The following ELOC variants were observed in gnomAD, a reference collection of about 807,000 sequenced individuals.
ELOC encodes elongin C.
For missense variants in ELOC, 38 were observed against 139.0 expected (o/e 0.27, Z 3.65); for synonymous variants, 40 against 51.3 (o/e 0.78, Z 0.94).
intron 1 of ELOC, among the ~76,000 whole-genome samples, chr8:73,962,249 G>A (rs1264899008): frequency 1.3e-5 from 2 of 152,166 alleles, no homozygotes; most frequent in African/African-American, 4.8e-5. Flanking sequence ...TTTTAGAGAT[G>A]AGAAACACTG....
intron 3 of ELOC, among the ~76,000 whole-genome samples, chr8:73,948,200 A>AG (rs1813511242): frequency 6.6e-6 from 1 of 151,970 alleles, no homozygotes; most frequent in Admixed American, 6.6e-5. Context: ...CTCAAAAAAA[A>AG]AAAAAAGATA....
intron 1 of ELOC, among the ~76,000 whole-genome samples, chr8:73,960,694 A>T (rs774226270): frequency 1.3e-5 from 2 of 152,256 alleles, no homozygotes; most frequent in Non-Finnish European, 2.9e-5. Flanking sequence ...ATACTGACTT[A>T]AAACAGTGAG....
At chr8:73,954,388 G>C (rs1813994424) in intron 3 of ELOC, among the ~76,000 whole-genome samples, 1 of 152,226 alleles carries the variant, frequency 6.6e-6, no homozygotes, top group South Asian at 2.1e-4. Context: ...GCTGGGTGTG[G>C]TGGCTCACGC....
intron 1 of ELOC, among the ~76,000 whole-genome samples, chr8:73,968,518 T>C (rs575797399): frequency 1.3e-5 from 2 of 152,372 alleles, no homozygotes; most frequent in Admixed American, 1.3e-4. Flanking sequence ...GTATTAATCA[T>C]AGATTCTACA....
chr8:73,948,536 C>A (rs896693907), intron 3 of ELOC, among the ~76,000 whole-genome samples: 5 of 152,140 alleles, frequency 3.3e-5, no homozygotes, highest in Non-Finnish European at 7.3e-5. Flanking sequence ...TACCACTGCA[C>A]TCCAACCTGG....
At chr8:73,959,905 G>C (rs1395209000) in intron 1 of ELOC, 87 bp from the exon 2 acceptor site, 3 of 589,370 alleles carry the variant, frequency 5.1e-6, no homozygotes, top group Non-Finnish European at 8.1e-6. Context: ...GGTGTTAAAA[G>C]TTTAAGAACT....
At chr8:73,951,668 A>C (rs954817189) in intron 3 of ELOC, among the ~76,000 whole-genome samples, 1 of 151,850 alleles carries the variant, frequency 6.6e-6, no homozygotes, top group African/African-American at 2.4e-5. Flanking sequence ...CAACAACAAC[A>C]ACAACAACAA....
intron 2 of ELOC, among the ~76,000 whole-genome samples, chr8:73,958,871 A>G (rs1190867847): frequency 1.3e-5 from 2 of 152,200 alleles, no homozygotes; most frequent in African/African-American, 4.8e-5. Context: ...CAATCTTATC[A>G]TGATGCAAAC....
At chr8:73,949,496 T>A (rs182308907) in intron 3 of ELOC, among the ~76,000 whole-genome samples, 1 of 152,338 alleles carries the variant, frequency 6.6e-6, no homozygotes, top group Admixed American at 6.5e-5. Flanking sequence ...TCTATTTAGT[T>A]CCAAAACATT....
intron 3 of ELOC, among the ~76,000 whole-genome samples, chr8:73,950,008 G>A (rs1200769656): frequency 6.6e-6 from 1 of 152,056 alleles, no homozygotes; most frequent in Non-Finnish European, 1.5e-5. Context: ...TATGAGGAGT[G>A]GGGGGTACAA....
intron 3 of ELOC, among the ~76,000 whole-genome samples, chr8:73,952,587 C>G (rs1040856293): frequency 1.3e-4 from 20 of 150,370 alleles, no homozygotes; most frequent in Non-Finnish European, 1.2e-4. Context: ...AAGACCTTCC[C>G]GGCTAACACA....
At chr8:73,954,894 C>T (rs774591300) in intron 3 of ELOC, among the ~76,000 whole-genome samples, 27 of 150,176 alleles carry the variant, frequency 1.8e-4, no homozygotes, top group South Asian at 1.1e-3. Flanking sequence ...ATTAGCCAGG[C>T]GTGGTGGTAG....
At chr8:73,970,487 A>G (rs1278757908) in intron 1 of ELOC, 2 of 152,192 alleles carry the variant, frequency 1.3e-5, no homozygotes, top group Non-Finnish European at 1.5e-5. Flanking sequence ...CAAATTTCAT[A>G]TTTAAGAAAA....
intron 2 of ELOC, among the ~76,000 whole-genome samples, chr8:73,959,213 T>C (rs1814422183): frequency 6.6e-6 from 1 of 152,154 alleles, no homozygotes; most frequent in Admixed American, 6.5e-5. Flanking sequence ...TCATAAGTAC[T>C]GTACACTTAG....
intron 3 of ELOC, among the ~76,000 whole-genome samples, chr8:73,948,545 G>C (rs1300431349): frequency 6.6e-6 from 1 of 152,094 alleles, no homozygotes; most frequent in Non-Finnish European, 1.5e-5. Context: ...ACTCCAACCT[G>C]GGTGACAGAG....
intron 2 of ELOC, among the ~76,000 whole-genome samples, chr8:73,956,906 C>T (rs1418047803): frequency 6.6e-6 from 1 of 152,108 alleles, no homozygotes; most frequent in Non-Finnish European, 1.5e-5. Context: ...CTTTGGGAGG[C>T]CAAGGCGGGT....
chr8:73,956,066 T>C lies in ELOC; in HGVS notation c.5-12A>G, dbSNP rs1814158078. 5 of 1,606,826 alleles carry C rather than the reference T, an allele frequency of 3.1e-6. No individual in the cohort carries two copies. Among genetic ancestry groups the C allele is most frequent in the Non-Finnish European group, 3.4e-6 (4 of 1,174,704 alleles). ...TTTCTCCTCTCCATCTAAAGTAAAGTAAGTAGTGAAACAATTTTTGAGTCA... is the reference window on the plus strand; with the variant it reads ...TTTCTCCTCTCCATCTAAAGTAAAGCAAGTAGTGAAACAATTTTTGAGTCA... On this transcript the variant is annotated splice_polypyrimidine_tract_variant and intron_variant, in intron 2 of 3. Coordinates refer to ENST00000520242, the MANE Select transcript of ELOC (RefSeq NM_005648.4).
chr8:73,957,208 C>T (rs758899152), intron 2 of ELOC, among the ~76,000 whole-genome samples: 19 of 151,484 alleles, frequency 1.3e-4, no homozygotes, highest in Non-Finnish European at 2.2e-4. Flanking sequence ...AAACAATACT[C>T]GGTTTAAATG....
At position 73,955,987 on chromosome 8, in the gene ELOC, A is replaced by G. The variant is rs1432536443; in HGVS notation, c.72T>C (p.Ser24=). 6.2e-7 allele frequency: 1 copy of G among 1,613,990 alleles called. No homozygotes were observed. ...PDAMYVKLIS[S]DGHEFIVKRE... is the part of the protein sequence containing the mutation. ...TTTTTACAATAAATTCATGGCCATCAGATGATATCAATTTGACATACATGG... is the reference window on the plus strand; with the variant it reads ...TTTTTACAATAAATTCATGGCCATCGGATGATATCAATTTGACATACATGG... The change falls in exon 3 of 4, where the codon TCT becomes TCC. Residue 24 remains serine (S), a synonymous_variant. Transcript: ENST00000520242.
Sources: allele counts gnomAD v4.1 joint callset (sites outside exome capture counted in the v4.1 genomes callset), GRCh38; gene constraint gnomAD v4.1.1; transcripts MANE v1.5; gene names NCBI Gene and HGNC (gene_info 2026-07-23, HGNC 2026-07-21).